Variants in CACNA1E observed in about 807,000 individuals in gnomAD.
The protein encoded by CACNA1E is voltage-dependent R-type calcium channel subunit alpha-1E.
CACNA1E carries 40 observed loss-of-function variants against 259.2 expected under a neutral mutation model. The ratio of observed to expected loss-of-function variants is 0.15; its 90% CI spans 0.12 to 0.20. The LOEUF (loss-of-function observed/expected upper bound fraction) is 0.20. Ranked by LOEUF, CACNA1E falls within the 10% of genes least tolerant of loss-of-function variation. The pLI is 1.00. For missense variants in CACNA1E, 1,874 were observed against 3,040.1 expected (o/e 0.62, Z 9.02); for synonymous variants, 1,104 against 1,138.5 (o/e 0.97, Z 0.61).
At chr1:181,363,854 C>T (rs911790075) in intron 1 of CACNA1E, among the ~76,000 whole-genome samples, 2 of 152,206 alleles carry the variant, frequency 1.3e-5, no homozygotes, top group African/African-American at 4.8e-5. Flanking sequence ...GGAAGGGCAG[C>T]AACAGACTTC....
intron 7 of CACNA1E, among the ~76,000 whole-genome samples, chr1:181,679,757 AG>A (rs1379589395): frequency 6.6e-6 from 1 of 152,170 alleles, no homozygotes; most frequent in Non-Finnish European, 1.5e-5. Flanking sequence ...TAGGGCAGGC[AG>A]GCAACCTGTT....
At position 181,580,635 on chromosome 1, in the gene CACNA1E, G is replaced by A. The variant is rs760631718; in HGVS notation, c.810G>A (p.Val270=). Residue 270 remains valine, a synonymous_variant, in exon 6 of 48, where the codon GTG becomes GTA. Coordinates refer to ENST00000367573, the MANE Select transcript of CACNA1E (RefSeq NM_001205293.3). ...EGFDPPHPCG[V]QGCPAGYECK... ...TTGACCCCCCTCACCCATGTGGTGT[G>A]CAGGGCTGCCCAGCTGGTTATGAAT... 1.2e-6 allele frequency: 2 copies of A among 1,614,058 alleles called. No individual in the cohort carries two copies. The highest frequency in any genetic ancestry group is 2.2e-5 in the East Asian group (1 of 44,888).
At position 181,799,853 on chromosome 1, in the gene CACNA1E, A is replaced by G. The variant is rs938162368; in HGVS notation, c.*1019A>G. On this transcript the variant is annotated 3_prime_UTR_variant, in exon 48 of 48. Transcript: ENST00000367573. ...AGTGTGGAAGCAATTAAATATGCGT[A>G]ACAGTGCTACGGCCACACCAGCACC... is the stretch of plus-strand genomic sequence containing the variant. The G allele has an allele frequency of 1.3e-5, 2 of 152,286 alleles. No individual in the cohort carries two copies. The highest frequency in any genetic ancestry group is 2.9e-5 in the Non-Finnish European group (2 of 68,128). The allele number at this position is 152,286 out of a possible 1,614,324, so 9.4% of individuals were successfully genotyped here.
At chr1:181,731,009 A>T (rs886179157) in intron 18 of CACNA1E, among the ~76,000 whole-genome samples, 166 bp from the exon 19 acceptor site, 1 of 152,220 alleles carries the variant, frequency 6.6e-6, no homozygotes, top group Non-Finnish European at 1.5e-5. Flanking sequence ...AAGTCACTCC[A>T]TTGGAGAATC....
chr1:181,599,464 G>A (rs191140274), intron 6 of CACNA1E, among the ~76,000 whole-genome samples: 19 of 152,286 alleles, frequency 1.2e-4, no homozygotes, highest in African/African-American at 3.9e-4. Flanking sequence ...TCCTTAGAGA[G>A]CACTCTCCTA....
chr1:181,757,888 C>T (rs1658224079), intron 30 of CACNA1E, 59 bp from the exon 31 acceptor site: 10 of 1,564,236 alleles, frequency 6.4e-6, no homozygotes, highest in Non-Finnish European at 8.7e-6. Flanking sequence ...TGGAACAGAG[C>T]CTGCCATGGT....
intron 1 of CACNA1E, among the ~76,000 whole-genome samples, chr1:181,348,207 G>A (rs1472622735): frequency 1.3e-5 from 2 of 151,194 alleles, no homozygotes; most frequent in Admixed American, 1.3e-4. Flanking sequence ...AGATGGACTT[G>A]CAGTTGAGAT....
chr1:181,489,691 A>T (rs1664148363), intron 1 of CACNA1E, among the ~76,000 whole-genome samples: 1 of 152,220 alleles, frequency 6.6e-6, no homozygotes, highest in Non-Finnish European at 1.5e-5. Context: ...TTTCACACTG[A>T]TAAATGCTGA....
chr1:181,750,994 G>T (rs754007965), intron 26 of CACNA1E, among the ~76,000 whole-genome samples: 1 of 151,954 alleles, frequency 6.6e-6, no homozygotes, highest in Non-Finnish European at 1.5e-5. Context: ...GGGGTAGGGG[G>T]GTAGGTATCG....
At chr1:181,686,361 A>G (rs946826120) in intron 7 of CACNA1E, among the ~76,000 whole-genome samples, 2 of 128,336 alleles carry the variant, frequency 1.6e-5, no homozygotes, top group African/African-American at 3.0e-5. Context: ...ATCTTGGCTC[A>G]CTGCAACCTC....
At chr1:181,364,566 T>A (rs1654125383) in intron 1 of CACNA1E, among the ~76,000 whole-genome samples, 2 of 152,076 alleles carry the variant, frequency 1.3e-5, no homozygotes, top group African/African-American at 4.8e-5. Flanking sequence ...GGATGGATGG[T>A]TCAACACAGG....
intron 3 of CACNA1E, among the ~76,000 whole-genome samples, chr1:181,539,930 C>T (rs753073934): frequency 6.6e-6 from 1 of 152,104 alleles, no homozygotes; most frequent in East Asian, 1.9e-4. Flanking sequence ...AAATTAGAAA[C>T]CAGGATGCCA....
At chr1:181,788,386 C>CAGAT (rs1248850961) in intron 43 of CACNA1E, among the ~76,000 whole-genome samples, 1 of 152,116 alleles carries the variant, frequency 6.6e-6, no homozygotes, top group African/African-American at 2.4e-5. Context: ...GTAGACATAA[C>CAGAT]AGATAGGGTC....
intron 3 of CACNA1E, among the ~76,000 whole-genome samples, chr1:181,548,225 A>G (rs1485890922): frequency 6.6e-6 from 1 of 150,920 alleles, no homozygotes; most frequent in African/African-American, 2.4e-5. Flanking sequence ...CCCGGGCTCA[A>G]GCGATTCTCC....
chr1:181,530,170 G>A (rs1667674707), intron 3 of CACNA1E, among the ~76,000 whole-genome samples: 1 of 152,078 alleles, frequency 6.6e-6, no homozygotes, highest in Non-Finnish European at 1.5e-5. Flanking sequence ...TGGGTTTATC[G>A]GGGTTTCCAC....
intron 25 of CACNA1E, among the ~76,000 whole-genome samples, chr1:181,743,171 C>G (rs1315215068): frequency 6.6e-6 from 1 of 152,184 alleles, no homozygotes. Flanking sequence ...TGACAACACC[C>G]GCTTTCTGGG....
Position 181,785,327 on chromosome 1 carries a change from T to A in CACNA1E, c.5588T>A (p.Leu1863Gln). ...ACATTTGTGTTTCTAGCCTCTGACC[T>A]GACTGTGGGCAAAATCTATGCAGCA... ...LLVPMPKASD[L>Q]TVGKIYAAMM... Residue 1863 changes from leucine (L) to glutamine (Q), a missense_variant, in exon 42 of 48, where the codon CTG becomes CAG. Around this residue, in one of 14 missense-constraint regions of CACNA1E, gnomAD observed 147 missense variants for 337.1 expected, o/e 0.44. Transcript: ENST00000367573. 6.2e-7 allele frequency: 1 copy of A among 1,611,034 alleles called. No individual in the cohort carries two copies. Among genetic ancestry groups the A allele is most frequent in the Non-Finnish European group, 8.5e-7 (1 of 1,177,388 alleles).
chr1:181,774,878 A>C (rs776385601), intron 37 of CACNA1E, among the ~76,000 whole-genome samples: 13 of 152,192 alleles, frequency 8.5e-5, no homozygotes, highest in Non-Finnish European at 2.9e-5. Context: ...CACTTACAAG[A>C]GACAGAAAGC....
At chr1:181,433,997 A>G (rs112862768) in intron 2 of CACNA1E, among the ~76,000 whole-genome samples, 2 of 152,214 alleles carry the variant, frequency 1.3e-5, no homozygotes, top group Non-Finnish European at 2.9e-5. Flanking sequence ...AGCACTGGAG[A>G]CCGGCATGTT....
Sources: gnomAD v4.1 joint callset for allele counts (sites outside exome capture counted in the v4.1 genomes callset) on GRCh38, gnomAD v4.1.1 for gene constraint, gnomAD v4.1.1 regional missense constraint, MANE v1.5 for transcripts, NCBI Gene and HGNC (gene_info 2026-07-23, HGNC 2026-07-21) for gene names.